PLEKHA7: variants seen among roughly 807,000 people sequenced by gnomAD.
PLEKHA7 encodes pleckstrin homology domain-containing family A member 7.
In PLEKHA7, 104 loss-of-function variants were observed where a neutral mutation model predicts 170.0. The ratio of observed to expected loss-of-function variants is 0.61; its 90% CI spans 0.52 to 0.72. PLEKHA7 has a LOEUF of 0.72. Ranked by LOEUF, PLEKHA7 falls within the 30% of genes least tolerant of loss-of-function variation. The pLI, the probability that PLEKHA7 is intolerant of heterozygous loss-of-function variation, is 0.00. For synonymous variants in PLEKHA7, 648 were observed against 660.8 expected (o/e 0.98, Z 0.30); for missense variants, 1,615 against 1,671.7 (o/e 0.97, Z 0.59).
intron 3 of PLEKHA7, among the ~76,000 whole-genome samples, chr11:16,973,577 A>T (rs913324463): frequency 1.3e-5 from 2 of 152,182 alleles, no homozygotes; most frequent in Admixed American, 1.3e-4. Context: ...CATTAAAATC[A>T]CTTGGGGGCT....
chr11:16,901,276 G>A (rs1427780936), intron 3 of PLEKHA7, among the ~76,000 whole-genome samples: 2 of 152,164 alleles, frequency 1.3e-5, no homozygotes, highest in Middle Eastern at 3.2e-3. Context: ...GCAGAGAGCT[G>A]AAGAAAAAAT....
At chr11:16,837,094 G>A (rs751543736) in intron 9 of PLEKHA7, among the ~76,000 whole-genome samples, 3 of 152,150 alleles carry the variant, frequency 2.0e-5, no homozygotes, top group Admixed American at 6.5e-5. Context: ...AAAGTGCTAG[G>A]ATTACAGGCA....
intron 3 of PLEKHA7, among the ~76,000 whole-genome samples, chr11:16,985,981 G>A (rs1242793896): frequency 6.6e-6 from 1 of 152,260 alleles, no homozygotes; most frequent in Non-Finnish European, 1.5e-5. Context: ...GGTGGCCACA[G>A]ATGGCTTCCC....
At chr11:16,951,715 G>C (rs1252663169) in intron 3 of PLEKHA7, among the ~76,000 whole-genome samples, 1 of 152,202 alleles carries the variant, frequency 6.6e-6, no homozygotes, top group East Asian at 1.9e-4. Flanking sequence ...TTAGTAACTT[G>C]TCAGTTTTAA....
At position 16,892,432 on chromosome 11, in the gene PLEKHA7, G is replaced by GTGTGTGTGTTTTGTTTTGTTTTGTTT. The variant is rs1554964931; in HGVS notation, c.222-21251_222-21250insAAACAAAACAAAACAAAACACACACA. ...TGTGTGTGTGTGTGTGTGTGTGTGTGTGTTTTGTTTTGTTTTGTTTTGTTT... is the reference window on the plus strand; with the variant it reads ...TGTGTGTGTGTGTGTGTGTGTGTGTGTGTGTGTGTTTTGTTTTGTTTTGTTTTGTTTTGTTTTGTTTTGTTTTGTTT... On this transcript the variant is annotated intron_variant, in intron 3 of 26. Transcript: ENST00000531066. Among the ~76,000 whole-genome samples the GTGTGTGTGTTTTGTTTTGTTTTGTTT allele has an allele frequency of 2.1e-4, 24 of 115,022 alleles. No individual in the cohort carries two copies. The East Asian group carries it at 5.8e-3, about 28-fold the overall frequency. The allele number at this position is 115,022 out of a possible 152,430, so 75.5% of individuals were successfully genotyped here. A position where few individuals can be genotyped will look rare whatever the true frequency, so the allele number is the denominator to read the frequency against.
chr11:16,779,031 G>C lies in PLEKHA7; in HGVS notation c.3794-11C>G. On this transcript the variant is annotated splice_polypyrimidine_tract_variant and intron_variant, in intron 26 of 26. Coordinates refer to ENST00000531066, the MANE Select transcript of PLEKHA7 (RefSeq NM_001329630.2). ...CAGTCACTGCCTGGGCTGGCAAAAA[G>C]CACAGGAGACAGTGAGAGGCTGGCA... 1 of 702,638 alleles carries C rather than the reference G, an allele frequency of 1.4e-6. No homozygotes were observed. Among genetic ancestry groups the C allele is most frequent in the Non-Finnish European group, 2.6e-6 (1 of 385,004 alleles). 43.5% of individuals were successfully genotyped at this position (702,638 alleles called of 1,614,324 possible).
intron 3 of PLEKHA7, among the ~76,000 whole-genome samples, chr11:16,992,075 AC>A (rs35949484): frequency 6.6e-6 from 1 of 150,968 alleles, no homozygotes; most frequent in African/African-American, 2.4e-5. Context: ...TGGTCCAGGG[AC>A]CCCCCCCAGC....
At chr11:16,868,980 A>C (rs1854614407) in intron 4 of PLEKHA7, among the ~76,000 whole-genome samples, 1 of 152,158 alleles carries the variant, frequency 6.6e-6, no homozygotes, top group African/African-American at 2.4e-5. Flanking sequence ...CCCAAGCTAA[A>C]GGTTCTGACG....
At chr11:17,003,214 C>T (rs908690310) in intron 3 of PLEKHA7, among the ~76,000 whole-genome samples, 7 of 152,160 alleles carry the variant, frequency 4.6e-5, no homozygotes, top group African/African-American at 1.7e-4. Context: ...TGGTCTCGAA[C>T]TCCTGACCTC....
At chr11:17,003,259 G>A (rs1864787428) in intron 3 of PLEKHA7, among the ~76,000 whole-genome samples, 1 of 152,132 alleles carries the variant, frequency 6.6e-6, no homozygotes, top group Non-Finnish European at 1.5e-5. Context: ...CCAAAGTGCT[G>A]GGATTACACA....
At chr11:16,919,850 G>C (rs1260927036) in intron 3 of PLEKHA7, among the ~76,000 whole-genome samples, 1 of 152,164 alleles carries the variant, frequency 6.6e-6, no homozygotes, top group African/African-American at 2.4e-5. Flanking sequence ...GAGAAAGGAT[G>C]AGAGAGGGAA....
chr11:16,843,557 C>T, intron 8 of PLEKHA7, among the ~76,000 whole-genome samples: 1 of 152,244 alleles, frequency 6.6e-6, no homozygotes, highest in Admixed American at 6.5e-5. Context: ...TGAAGCAAAC[C>T]TGATATCCTT....
At chr11:16,981,211 T>A (rs530722591) in intron 3 of PLEKHA7, among the ~76,000 whole-genome samples, 118 of 152,318 alleles carry the variant, frequency 7.7e-4, no homozygotes, top group Non-Finnish European at 1.3e-3. Context: ...AATATAGTGA[T>A]GGAGGCTCTT....
chr11:16,816,152 A>G (rs759158599), intron 12 of PLEKHA7, 26 bp downstream of exon 12: 2 of 1,571,370 alleles, frequency 1.3e-6, no homozygotes, highest in South Asian at 2.2e-5. Flanking sequence ...AGGGCTTTGC[A>G]GGCTATGTCT....
chr11:16,832,660 G>A (rs1384430365), intron 9 of PLEKHA7, among the ~76,000 whole-genome samples: 1 of 152,190 alleles, frequency 6.6e-6, no homozygotes, highest in Non-Finnish European at 1.5e-5. Flanking sequence ...AGGAATGACA[G>A]CTTGTAGGGG....
chr11:16,973,181 C>T (rs990618697), intron 3 of PLEKHA7, among the ~76,000 whole-genome samples: 2 of 152,202 alleles, frequency 1.3e-5, no homozygotes, highest in African/African-American at 4.8e-5. Context: ...CCTCTGATCC[C>T]ACCAGGCACT....
At chr11:16,828,970 A>G (rs567600299) in intron 9 of PLEKHA7, among the ~76,000 whole-genome samples, 1 of 152,060 alleles carries the variant, frequency 6.6e-6, no homozygotes, top group African/African-American at 2.4e-5. Flanking sequence ...TGTAAACCAG[A>G]TATCTCTTTG....
intron 3 of PLEKHA7, among the ~76,000 whole-genome samples, chr11:16,997,526 C>G (rs10741718): frequency 0.96 from 145,429 of 152,206 alleles, 69,879 homozygotes; most frequent in East Asian, 1. Flanking sequence ...AGGGAGAATG[C>G]AGCTAACCAG....
At chr11:16,826,783 G>A (rs1180684727) in intron 9 of PLEKHA7, among the ~76,000 whole-genome samples, 193 bp from the exon 10 acceptor site, 1 of 152,164 alleles carries the variant, frequency 6.6e-6, no homozygotes, top group Non-Finnish European at 1.5e-5. Flanking sequence ...ACCTCCTCCA[G>A]GAAGCCACCC....
Sources: gnomAD v4.1 joint callset for allele counts (sites outside exome capture counted in the v4.1 genomes callset) on GRCh38, gnomAD v4.1.1 for gene constraint, MANE v1.5 for transcripts, NCBI Gene and HGNC (gene_info 2026-07-23, HGNC 2026-07-21) for gene names.